TARS3: variants seen among roughly 807,000 people sequenced by gnomAD.
The protein encoded by TARS3 is threonine--tRNA ligase 2, cytoplasmic.
A neutral mutation model predicts 103.5 loss-of-function variants in TARS3; 94 were observed. That is an observed-to-expected ratio of 0.91 (90% confidence interval 0.77 to 1.08). The LOEUF is 1.08. Ranked by LOEUF, TARS3 falls within the 50% of genes least tolerant of loss-of-function variation. The pLI, the probability that TARS3 is intolerant of heterozygous loss-of-function variation, is 0.00. For missense variants in TARS3, 952 were observed against 995.2 expected (o/e 0.96, Z 0.58); for synonymous variants, 416 against 355.4 (o/e 1.17, Z -1.92).
At position 101,694,324 on chromosome 15, in the gene TARS3, G is replaced by C. The variant is rs780362206; in HGVS notation, c.1320+6762C>G. ...CTTCCACAGAAATGCAGCAGTTCCA[G>C]TTCTGAGGAAAAGGATGCTTCCTGG... On this transcript the variant is annotated intron_variant, in intron 10 of 18. Coordinates refer to ENST00000335968, the MANE Select transcript of TARS3 (RefSeq NM_152334.3). 4.4e-4 allele frequency among the ~76,000 whole-genome samples: 67 copies of C among 152,334 alleles called. No individual in the cohort carries two copies. In the Middle Eastern group the frequency reaches 0.017, roughly 39 times the overall value.
At chr15:101,678,986 G>GT in intron 12 of TARS3, among the ~76,000 whole-genome samples, 1 of 151,942 alleles carries the variant, frequency 6.6e-6, no homozygotes, top group East Asian at 1.9e-4. Context: ...CAGGATTTTT[G>GT]TTTTTTGTTT....
intron 12 of TARS3, 152 bp from the exon 13 acceptor site, chr15:101,675,889 G>C: frequency 1.2e-6 from 1 of 847,062 alleles, no homozygotes; most frequent in Non-Finnish European, 1.8e-6. Flanking sequence ...ATCCTGAGCT[G>C]AACCTTCGTT....
At position 101,721,202 on chromosome 15, in the gene TARS3, C is replaced by G. The variant is rs1353579872; in HGVS notation, c.490G>C (p.Val164Leu). 1.2e-6 allele frequency: 2 copies of G among 1,613,916 alleles called. No homozygotes were observed. The highest frequency in any genetic ancestry group is 1.7e-5 in the Admixed American group (1 of 60,026). The change falls in exon 3 of 19, where the codon GTA (valine) becomes CTA (leucine). Residue 164 changes from valine (V) to leucine (L), a missense_variant. This residue lies in a region of TARS3 where 412 missense variants were observed against 364.2 expected (regional missense o/e 1.13). Coordinates refer to ENST00000335968, the MANE Select transcript of TARS3 (RefSeq NM_152334.3). Reference sequence around the variant, plus strand: ...ACTGTTTGCCCATCAGCCACTCTTACTGTGATGATGTTGCTTGTATCCCCC... The same window carrying G: ...ACTGTTTGCCCATCAGCCACTCTTAGTGTGATGATGTTGCTTGTATCCCCC... ...KKGDTSNIITVRVADGQTVQG... is the reference protein window; with the variant it reads ...KKGDTSNIITLRVADGQTVQG...
intron 16 of TARS3, 95 bp downstream of exon 16, chr15:101,661,617 A>G: frequency 1.3e-6 from 1 of 793,762 alleles, no homozygotes. Context: ...ATGATTTTTT[A>G]AGAATAGAAA....
chr15:101,712,553 T>C (rs1383855372), intron 4 of TARS3, among the ~76,000 whole-genome samples: 1 of 152,124 alleles, frequency 6.6e-6, no homozygotes, highest in Non-Finnish European at 1.5e-5. Flanking sequence ...AAGAAAAAAG[T>C]GTTGCCAGGG....
chr15:101,715,222 C>G (rs1900087187), intron 3 of TARS3, among the ~76,000 whole-genome samples: 1 of 149,968 alleles, frequency 6.7e-6, no homozygotes, highest in Admixed American at 6.6e-5. Flanking sequence ...TCTCGGCTCA[C>G]TGCAAGCTCC....
chr15:101,713,484 C>G (rs966550902), intron 4 of TARS3, among the ~76,000 whole-genome samples: 2 of 152,054 alleles, frequency 1.3e-5, no homozygotes, highest in Non-Finnish European at 2.9e-5. Context: ...AGCAAGTAGG[C>G]AGTTTCTTGG....
intron 1 of TARS3, 40 bp downstream of exon 1, chr15:101,724,051 C>A (rs1241645800): frequency 7.5e-7 from 1 of 1,336,228 alleles, no homozygotes; most frequent in Non-Finnish European, 9.6e-7. Context: ...CTCGGCCCGC[C>A]CCGCCCGCGT....
chr15:101,705,119 G>A (rs984630437), intron 7 of TARS3, among the ~76,000 whole-genome samples: 1 of 152,204 alleles, frequency 6.6e-6, no homozygotes, highest in African/African-American at 2.4e-5. Context: ...AAAGAAAAAG[G>A]TGCTCAGGAA....
intron 4 of TARS3, among the ~76,000 whole-genome samples, chr15:101,713,455 G>A (rs1899964680): frequency 6.6e-6 from 1 of 152,218 alleles, no homozygotes; most frequent in Admixed American, 6.5e-5. Context: ...CGATGGGAAT[G>A]AATTTCAGGG....
rs558796374 is a variant in TARS3 at position 101,669,348 on chromosome 15, A to G, written c.1967+2138T>C. On this transcript the variant is annotated intron_variant, in intron 15 of 18. Coordinates refer to ENST00000335968, the MANE Select transcript of TARS3 (RefSeq NM_152334.3). ...GGTAAGTGCTATAATAAAAGATTCA[A>G]AAGTTTTAAAATGTCAAAAATGTAT... is the stretch of plus-strand genomic sequence containing the variant. 3.9e-5 allele frequency among the ~76,000 whole-genome samples: 6 copies of G among 152,370 alleles called. No individual in the cohort carries two copies. The East Asian group carries it at 1.2e-3, about 29-fold the overall frequency.
chr15:101,667,757 G>T lies in TARS3; in HGVS notation c.1967+3729C>A, dbSNP rs184435369. On this transcript the variant is annotated intron_variant, in intron 15 of 18. Transcript: ENST00000335968. Reference sequence around the variant, plus strand: ...AGCTAATTTTTTTATTTTTATTTTTGTATTTTTAGTAGAGACGGGGTTTCA... The same window carrying T: ...AGCTAATTTTTTTATTTTTATTTTTTTATTTTTAGTAGAGACGGGGTTTCA... Among the ~76,000 whole-genome samples the T allele has an allele frequency of 1.6e-3, 248 of 151,924 alleles. 1 individual carries two copies. The highest frequency in any genetic ancestry group is 5.6e-3 in the African/African-American group (234 of 41,424).
chr15:101,674,046 CA>C (rs1276728683), intron 13 of TARS3, among the ~76,000 whole-genome samples: 2 of 152,136 alleles, frequency 1.3e-5, no homozygotes, highest in African/African-American at 4.8e-5. Context: ...ATAAACAACT[CA>C]TAAGTTTTAA....
rs1270786377 is a variant in TARS3, at chr15:101,653,840, C to G, written c.*742G>C. Reference sequence around the variant, plus strand: ...TTAAAATCTGAAATCCATTTCAGTACATAAATCCATGGAATGTCATCCCAT... The same window carrying G: ...TTAAAATCTGAAATCCATTTCAGTAGATAAATCCATGGAATGTCATCCCAT... On this transcript the variant is annotated 3_prime_UTR_variant, in exon 19 of 19. Coordinates refer to ENST00000335968, the MANE Select transcript of TARS3 (RefSeq NM_152334.3). The G allele has an allele frequency of 6.6e-6, 1 of 152,182 alleles. No homozygotes were observed. Among genetic ancestry groups the G allele is most frequent in the Non-Finnish European group, 1.5e-5 (1 of 68,034 alleles). The allele number at this position is 152,182 out of a possible 1,614,324, so 9.4% of individuals were successfully genotyped here. A position where few individuals can be genotyped will look rare whatever the true frequency, so the allele number is the denominator to read the frequency against.
chr15:101,697,351 G>A (rs1218915743), intron 10 of TARS3, among the ~76,000 whole-genome samples: 1 of 152,122 alleles, frequency 6.6e-6, no homozygotes, highest in Admixed American at 6.5e-5. Flanking sequence ...AGAAACAGAT[G>A]GTGGGTAACA....
intron 3 of TARS3, among the ~76,000 whole-genome samples, chr15:101,715,226 A>G (rs1900087687): frequency 6.7e-6 from 1 of 148,630 alleles, no homozygotes; most frequent in African/African-American, 2.5e-5. Context: ...GGCTCACTGC[A>G]AGCTCCGCCT....
At chr15:101,669,092 T>C (rs1897697062) in intron 15 of TARS3, among the ~76,000 whole-genome samples, 1 of 152,188 alleles carries the variant, frequency 6.6e-6, no homozygotes, top group East Asian at 1.9e-4. Flanking sequence ...ATGCGTGTAC[T>C]GCCCCTGGAA....
intron 10 of TARS3, among the ~76,000 whole-genome samples, chr15:101,692,775 A>C (rs1898784557): frequency 6.6e-6 from 1 of 152,208 alleles, no homozygotes. Flanking sequence ...AGCCAGGCCC[A>C]TATCTCCATA....
chr15:101,722,691 C>T (rs190909226), intron 2 of TARS3, among the ~76,000 whole-genome samples: 1 of 145,176 alleles, frequency 6.9e-6, no homozygotes, highest in Admixed American at 7.0e-5. Flanking sequence ...TGGTGGCATG[C>T]ACCTGTAGTC....
Sources: gnomAD v4.1 joint callset for allele counts (sites outside exome capture counted in the v4.1 genomes callset) on GRCh38, gnomAD v4.1.1 for gene constraint, gnomAD v4.1.1 regional missense constraint, MANE v1.5 for transcripts, NCBI Gene and HGNC (gene_info 2026-07-23, HGNC 2026-07-21) for gene names.